Variants in ARHGAP20 observed in about 807,000 individuals in gnomAD.
ARHGAP20 encodes the protein rho GTPase-activating protein 20.
A neutral mutation model predicts 73.7 loss-of-function variants in ARHGAP20; 34 were observed. The observed-to-expected ratio is 0.46, with a 90% confidence interval of 0.35 to 0.61. ARHGAP20 has a LOEUF of 0.61. ARHGAP20 is among the 20% of genes least tolerant of loss of function. ARHGAP20 has a pLI of 0.00. For missense variants in ARHGAP20, 1,314 were observed against 1,420.9 expected (o/e 0.92, Z 1.21); for synonymous variants, 523 against 518.2 (o/e 1.01, Z -0.13).
intron 2 of ARHGAP20, among the ~76,000 whole-genome samples, chr11:110,689,249 C>T (rs988032199): frequency 6.6e-6 from 1 of 151,856 alleles, no homozygotes; most frequent in Non-Finnish European, 1.5e-5. Flanking sequence ...GACCCGCCCG[C>T]CTTGGACTCC....
intron 4 of ARHGAP20, among the ~76,000 whole-genome samples, chr11:110,623,093 G>A (rs1487099212): frequency 6.6e-6 from 1 of 152,108 alleles, no homozygotes; most frequent in African/African-American, 2.4e-5. Context: ...AAGATATGCT[G>A]AGAATGAAAC....
At chr11:110,595,127 A>G (rs1247995968) in intron 9 of ARHGAP20, among the ~76,000 whole-genome samples, 4 of 151,800 alleles carry the variant, frequency 2.6e-5, no homozygotes, top group African/African-American at 9.7e-5. Flanking sequence ...TAAATTAGGT[A>G]TTGATGGGAC....
Position 110,577,958 on chromosome 11 carries a change from A to C in ARHGAP20, c.*1412T>G. 2 of 985,640 alleles carry C rather than the reference A, an allele frequency of 2.0e-6. No homozygotes were observed. Among genetic ancestry groups the C allele is most frequent in the Non-Finnish European group, 1.2e-6 (1 of 829,890 alleles). The allele number at this position is 985,640 out of a possible 1,614,324, so 61.1% of individuals were successfully genotyped here. A position where few individuals can be genotyped will look rare whatever the true frequency, so the allele number is the denominator to read the frequency against. On this transcript the variant is annotated 3_prime_UTR_variant, in exon 15 of 15. Coordinates refer to ENST00000683387, the MANE Select transcript of ARHGAP20 (RefSeq NM_001384657.1). The stretch of plus-strand genomic sequence containing the variant: ...TGGAATAAGCTAGCTTGTGAGAGAA[A>C]GGTCCATCTGATGGTGAACTAAAGA...
intron 12 of ARHGAP20, among the ~76,000 whole-genome samples, chr11:110,585,981 G>A (rs1348359082): frequency 6.6e-6 from 1 of 152,146 alleles, no homozygotes; most frequent in Non-Finnish European, 1.5e-5. Context: ...GTATTAGCTA[G>A]TGGACTAATG....
chr11:110,704,650 T>C (rs1003022580), intron 1 of ARHGAP20, among the ~76,000 whole-genome samples: 10 of 152,170 alleles, frequency 6.6e-5, no homozygotes, highest in African/African-American at 2.2e-4. Flanking sequence ...CAGCCTCACA[T>C]TGTGGCAGAG....
chr11:110,583,298 T>C (rs1392300918), intron 13 of ARHGAP20, among the ~76,000 whole-genome samples: 3 of 152,196 alleles, frequency 2.0e-5, no homozygotes, highest in Non-Finnish European at 4.4e-5. Flanking sequence ...TAAAAAATCT[T>C]ATCAGCTGCT....
Position 110,614,604 on chromosome 11 carries a change from A to G in ARHGAP20, c.587T>C (p.Ile196Thr), listed in dbSNP as rs554175376. 6.2e-7 allele frequency: 1 copy of G among 1,613,082 alleles called. No individual in the cohort carries two copies. Among genetic ancestry groups the G allele is most frequent in the African/African-American group, 1.3e-5 (1 of 74,990 alleles). Residue 196 changes from isoleucine (I) to threonine (T), a missense_variant, in exon 6 of 15, where the codon ATT (isoleucine) becomes ACT (threonine). Physicochemically the swap from Ile to Thr is moderately conservative, Grantham distance 89 (BLOSUM62 -1). This residue lies in a region of ARHGAP20 where 443 missense variants were observed against 466.4 expected (regional missense o/e 0.95). Transcript: ENST00000683387. ...LEKEKDYPKS[I>T]PLKIFAKDIG... is the part of the protein sequence containing the mutation. Reference sequence around the variant, plus strand: ...GTCCTTGGCGAAGATTTTGAGGGGAATGCTCTTCGGGTAGTCCTTTTCTTT... The same window carrying G: ...GTCCTTGGCGAAGATTTTGAGGGGAGTGCTCTTCGGGTAGTCCTTTTCTTT...
intron 9 of ARHGAP20, among the ~76,000 whole-genome samples, chr11:110,603,837 T>C (rs1948162398): frequency 6.6e-6 from 1 of 152,166 alleles, no homozygotes; most frequent in South Asian, 2.1e-4. Flanking sequence ...ATATCAGTAT[T>C]TGGCAGTACA....
chr11:110,605,501 G>A (rs374252434), intron 9 of ARHGAP20, among the ~76,000 whole-genome samples: 2 of 152,154 alleles, frequency 1.3e-5, no homozygotes, highest in Admixed American at 1.3e-4. Flanking sequence ...ATCTTGGAGT[G>A]TATTAACACT....
intron 11 of ARHGAP20, among the ~76,000 whole-genome samples, chr11:110,589,020 C>T (rs181411718): frequency 6.6e-6 from 1 of 151,710 alleles, no homozygotes; most frequent in Non-Finnish European, 1.5e-5. Context: ...TGCAGTGAGC[C>T]GAGATCGTGC....
Position 110,579,487 on chromosome 11 carries a change from A to G in ARHGAP20, c.3459T>C (p.Ser1153=). The G allele has an allele frequency of 1.9e-6, 3 of 1,614,168 alleles. No homozygotes were observed. The highest frequency in any genetic ancestry group is 2.5e-6 in the Non-Finnish European group (3 of 1,180,022). The change falls in exon 15 of 15, where the codon TCT becomes TCC. Residue 1153 remains serine (S), a synonymous_variant. Coordinates refer to ENST00000683387, the MANE Select transcript of ARHGAP20 (RefSeq NM_001384657.1). The part of the protein sequence containing the change: ...IEPGSQSSSG[S]LPWERASASS... ...TGGCTGAGGCTCTTTCCCAAGGCAG[A>G]GAACCAGAAGAGCTCTGACTACCAG...
chr11:110,668,624 G>A (rs1421568950), intron 2 of ARHGAP20, among the ~76,000 whole-genome samples: 2 of 151,804 alleles, frequency 1.3e-5, no homozygotes, highest in African/African-American at 2.4e-5. Context: ...ACTCCAGCCT[G>A]GGCAACAGAC....
chr11:110,603,981 T>C (rs2134868590), intron 9 of ARHGAP20, among the ~76,000 whole-genome samples: 1 of 152,294 alleles, frequency 6.6e-6, no homozygotes, highest in East Asian at 1.9e-4. Context: ...TCCAAGAGAA[T>C]TCACTTCTCA....
intron 2 of ARHGAP20, among the ~76,000 whole-genome samples, chr11:110,634,100 A>G (rs1948913872): frequency 6.6e-6 from 1 of 152,184 alleles, no homozygotes; most frequent in South Asian, 2.1e-4. Flanking sequence ...GAGTGCTGAA[A>G]CTGACAGAAG....
chr11:110,669,147 GA>G (rs1250677959), intron 2 of ARHGAP20, among the ~76,000 whole-genome samples: 1 of 152,102 alleles, frequency 6.6e-6, no homozygotes, highest in Non-Finnish European at 1.5e-5. Flanking sequence ...TTGGCTCTTT[GA>G]AAAACATTGT....
chr11:110,641,099 CT>C (rs1340573194), intron 2 of ARHGAP20, among the ~76,000 whole-genome samples: 3 of 151,896 alleles, frequency 2.0e-5, no homozygotes, highest in African/African-American at 7.3e-5. Flanking sequence ...TAAAGGAGCA[CT>C]TTTAAATTAT....
intron 9 of ARHGAP20, among the ~76,000 whole-genome samples, chr11:110,603,262 A>G (rs1033280126): frequency 6.6e-6 from 1 of 152,212 alleles, no homozygotes; most frequent in African/African-American, 2.4e-5. Flanking sequence ...AGAGTTTCAC[A>G]GTGATACTTT....
intron 1 of ARHGAP20, among the ~76,000 whole-genome samples, chr11:110,702,750 A>G (rs1170289564): frequency 1.3e-5 from 2 of 152,184 alleles, no homozygotes; most frequent in Admixed American, 6.5e-5. Context: ...ACAGACAAAT[A>G]GAGAGCCAAA....
Position 110,712,176 on chromosome 11 carries a change from G to T in ARHGAP20, c.56C>A (p.Ser19Tyr). 2 of 1,369,252 alleles carry T rather than the reference G, an allele frequency of 1.5e-6. No homozygotes were observed. Among genetic ancestry groups the T allele is most frequent in the Non-Finnish European group, 1.9e-6 (2 of 1,055,636 alleles). The allele number at this position is 1,369,252 out of a possible 1,614,324, so 84.8% of individuals were successfully genotyped here. The change falls in exon 1 of 15, where the codon TCT (serine) becomes TAT (tyrosine). Residue 19 changes from serine to tyrosine, a missense_variant. Around this residue, in one of 3 missense-constraint regions of ARHGAP20, gnomAD observed 443 missense variants for 466.4 expected, o/e 0.95. Coordinates refer to ENST00000683387, the MANE Select transcript of ARHGAP20 (RefSeq NM_001384657.1). ...GAGCCGAGACACTCCTGTCAGGGAA[G>T]AGGAGCGCCCCGGCTGTCCCCCTAG... ...ETLGGQPGRS[S>Y]SLTGVSRLAG...
Sources: allele counts gnomAD v4.1 joint callset (sites outside exome capture counted in the v4.1 genomes callset), GRCh38; gene constraint gnomAD v4.1.1; regional missense constraint gnomAD v4.1.1; transcripts MANE v1.5; gene names NCBI Gene and HGNC (gene_info 2026-07-23, HGNC 2026-07-21).